Variants in SLC16A5 observed in about 807,000 individuals in gnomAD.
The protein encoded by SLC16A5 is solute carrier family 16 member 5.
SLC16A5 carries 29 observed loss-of-function variants against 33.2 expected under a neutral mutation model. That is an observed-to-expected ratio of 0.87 (90% confidence interval 0.65 to 1.19). SLC16A5 has a LOEUF of 1.19. Ranked by LOEUF, SLC16A5 falls within the 50% of genes most tolerant of loss-of-function variation. The probability of loss-of-function intolerance (pLI) is 0.00; values close to 1 mark genes in which losing one functional copy is unlikely to be tolerated. For synonymous variants in SLC16A5, 248 were observed against 284.1 expected (o/e 0.87, Z 1.28); for missense variants, 606 against 678.2 (o/e 0.89, Z 1.18).
At chr17:75,106,671 G>A (rs1241833965), downstream of SLC16A5, among the ~76,000 whole-genome samples, 3 of 151,608 alleles carry the variant, frequency 2.0e-5, no homozygotes, top group African/African-American at 7.3e-5. Flanking sequence ...AAGATGGGTG[G>A]GTCACTAGAG....
chr17:75,104,501 C>A, intron 6 of SLC16A5: 1 of 1,058,758 alleles, frequency 9.4e-7, no homozygotes, highest in Non-Finnish European at 1.2e-6. Context: ...CTCACTGCAA[C>A]CTCTGCCTCC....
chr17:75,108,815 C>G (rs2145101513), downstream of SLC16A5, among the ~76,000 whole-genome samples: 1 of 150,600 alleles, frequency 6.6e-6, no homozygotes, highest in East Asian at 1.9e-4. Context: ...GATGGCCATT[C>G]AAAAGTATGT....
At chr17:75,107,532 C>T (rs771975146), downstream of SLC16A5, among the ~76,000 whole-genome samples, 7 of 151,824 alleles carry the variant, frequency 4.6e-5, no homozygotes, top group Non-Finnish European at 7.4e-5. Flanking sequence ...TGGCTGGGTG[C>T]GGTGGCTCAT....
chr17:75,100,125 C>T lies in SLC16A5; in HGVS notation c.462C>T (p.Leu154=). Residue 154 remains leucine (L), a synonymous_variant, in exon 5 of 7, where the codon CTC becomes CTT. Transcript: ENST00000329783. ...ASMGVSLGIT[L]WPLLSRYLLE... The stretch of plus-strand genomic sequence containing the variant: ...TGGGCGTCTCCCTGGGCATCACCCT[C>T]TGGCCGCTGCTCTCCCGCTACCTTC... 6.2e-7 allele frequency: 1 copy of T among 1,614,188 alleles called. No individual in the cohort carries two copies. Among genetic ancestry groups the T allele is most frequent in the Non-Finnish European group, 8.5e-7 (1 of 1,180,018 alleles).
chr17:75,101,356 C>T (rs1334613756), intron 5 of SLC16A5, among the ~76,000 whole-genome samples: 1 of 151,110 alleles, frequency 6.6e-6, no homozygotes, highest in African/African-American at 2.4e-5. Context: ...GTCAGGAGAT[C>T]GAGACCAACA....
chr17:75,110,109 C>T, downstream of SLC16A5: 1 of 622,752 alleles, frequency 1.6e-6, no homozygotes, highest in South Asian at 2.0e-5. Context: ...CGTCCCATCT[C>T]CCATATCCCA....
chr17:75,091,192 A>G (rs917826016), intron 2 of SLC16A5, among the ~76,000 whole-genome samples: 1 of 152,010 alleles, frequency 6.6e-6, no homozygotes, highest in South Asian at 2.1e-4. Context: ...GAGAGTATCA[A>G]GTGGGAGAGC....
At chr17:75,092,392 A>G (rs2073651432) in intron 2 of SLC16A5, among the ~76,000 whole-genome samples, 1 of 143,432 alleles carries the variant, frequency 7.0e-6, no homozygotes, top group Non-Finnish European at 1.5e-5. Context: ...GAGTCTTGCT[A>G]TGTCACTAGG....
At chr17:75,096,511 T>C (rs377107278) in intron 3 of SLC16A5, among the ~76,000 whole-genome samples, 17 of 150,872 alleles carry the variant, frequency 1.1e-4, no homozygotes, top group East Asian at 9.7e-4. Context: ...GCTGCTCACT[T>C]AGTCTGTCAC....
intron 1 of SLC16A5, among the ~76,000 whole-genome samples, chr17:75,088,479 T>C (rs2073597306): frequency 6.6e-6 from 1 of 151,032 alleles, no homozygotes; most frequent in Non-Finnish European, 1.5e-5. Context: ...AGGGAGAGAG[T>C]GATTTGCCCC....
intron 6 of SLC16A5, chr17:75,105,227 A>G (rs1192432204): frequency 1.0e-6 from 1 of 985,294 alleles, no homozygotes; most frequent in Non-Finnish European, 1.2e-6. Flanking sequence ...GTGAAGTCTG[A>G]GGGCCCCCCT....
intron 5 of SLC16A5, among the ~76,000 whole-genome samples, chr17:75,103,618 G>A (rs1402966475): frequency 6.6e-6 from 1 of 152,134 alleles, no homozygotes; most frequent in East Asian, 1.9e-4. Flanking sequence ...GTGAGCCACC[G>A]TGTCAGGCCC....
chr17:75,096,929 G>T (rs139829259), intron 3 of SLC16A5, among the ~76,000 whole-genome samples: 2,613 of 142,354 alleles, frequency 0.018, 35 homozygotes, highest in Non-Finnish European at 0.03. Flanking sequence ...AGGTTCAAGC[G>T]ATTCTCCTGC....
In SLC16A5 at chr17:75,088,236, C is replaced by T. The variant is rs56024548; in HGVS notation, c.-203+192C>T. On this transcript the variant is annotated intron_variant, in intron 1 of 6. Transcript: ENST00000329783. Reference sequence around the variant, plus strand: ...CCCCGGGGCCTGGGGTGATGACCCGCAAGCCCAAGGGCGCTCGGACTCCTG... The same window carrying T: ...CCCCGGGGCCTGGGGTGATGACCCGTAAGCCCAAGGGCGCTCGGACTCCTG... Among the ~76,000 whole-genome samples, 2,766 of 152,312 alleles carry T rather than the reference C, an allele frequency of 0.018. 37 individuals are homozygous for T. The highest frequency in any genetic ancestry group is 0.03 in the Non-Finnish European group (2,049 of 68,016).
chr17:75,102,992 G>A (rs1372761237), intron 5 of SLC16A5, among the ~76,000 whole-genome samples: 1 of 152,122 alleles, frequency 6.6e-6, no homozygotes, highest in Admixed American at 6.5e-5. Context: ...CTGGGTTCAA[G>A]CAATCCTCCT....
chr17:75,100,623 G>C lies in SLC16A5; in HGVS notation c.960G>C (p.Leu320=). The C allele has an allele frequency of 6.2e-7, 1 of 1,614,198 alleles. No individual in the cohort carries two copies. The highest frequency in any genetic ancestry group is 8.5e-7 in the Non-Finnish European group (1 of 1,180,040). Residue 320 remains leucine, a synonymous_variant, in exon 5 of 7, where the codon CTG becomes CTC. Transcript: ENST00000329783. ...LALLLNGLTN[L]VCAASGDFWV... is the part of the protein sequence containing the mutation. ...TCCTGCTCAATGGGCTCACTAACCT[G>C]GTGTGTGCGGCATCAGGTGACTTCT...
In SLC16A5 at chr17:75,100,373, G is replaced by C; in HGVS notation, c.710G>C (p.Gly237Ala). ...LAFDILRHNTGYCVYILGVMW... is the reference protein window; with the variant it reads ...LAFDILRHNTAYCVYILGVMW... ...TTCGACATCCTGCGGCACAACACAG[G>C]CTACTGCGTGTACATACTGGGTGTG... is the stretch of plus-strand genomic sequence containing the variant. Residue 237 changes from glycine (G) to alanine (A), a missense_variant, in exon 5 of 7, where the codon GGC becomes GCC. Gly to Ala is a moderately conservative substitution (Grantham distance 60). Coordinates refer to ENST00000329783, the MANE Select transcript of SLC16A5 (RefSeq NM_004695.4). 6.2e-7 allele frequency: 1 copy of C among 1,614,206 alleles called. No individual in the cohort carries two copies. The highest frequency in any genetic ancestry group is 1.1e-5 in the South Asian group (1 of 91,086).
chr17:75,107,256 C>CACCACTGCACTCCAGCCTGG (rs2073870574), downstream of SLC16A5, among the ~76,000 whole-genome samples: 1 of 151,744 alleles, frequency 6.6e-6, no homozygotes, highest in Non-Finnish European at 1.5e-5. Context: ...GCTGTGATCA[C>CACCACTGCACTCCAGCCTGG]ACCACTGCAC....
At chr17:75,097,017 G>A (rs917246486) in intron 3 of SLC16A5, among the ~76,000 whole-genome samples, 4 of 150,484 alleles carry the variant, frequency 2.7e-5, no homozygotes, top group African/African-American at 9.8e-5. Flanking sequence ...GTAGAGATGG[G>A]GTTTCACCAT....
Sources: allele counts gnomAD v4.1 joint callset (sites outside exome capture counted in the v4.1 genomes callset), GRCh38; gene constraint gnomAD v4.1.1; transcripts MANE v1.5; gene names NCBI Gene and HGNC (gene_info 2026-07-23, HGNC 2026-07-21).